The following CLYBL variants were observed in gnomAD, a reference collection of about 807,000 sequenced individuals.
CLYBL encodes the protein citramalyl-CoA lyase.
Under a neutral mutation model 38.9 loss-of-function variants are expected in CLYBL, and 31 were observed. The observed-to-expected ratio is 0.80, with a 90% CI of 0.60 to 1.08. The LOEUF is 1.08. Among genes scored for constraint, CLYBL ranks in the 50% least tolerant of loss-of-function variants. The probability of loss-of-function intolerance (pLI) is 0.00; values close to 1 mark genes in which losing one functional copy is unlikely to be tolerated. For synonymous variants in CLYBL, 171 were observed against 158.6 expected (o/e 1.08, Z -0.59); for missense variants, 434 against 411.6 (o/e 1.05, Z -0.47).
At chr13:99,639,103 A>G (rs1242045320) in intron 1 of CLYBL, among the ~76,000 whole-genome samples, 1 of 152,212 alleles carries the variant, frequency 6.6e-6, no homozygotes, top group Non-Finnish European at 1.5e-5. Context: ...TGATGTAACA[A>G]TAAAGGCCAT....
Position 99,864,835 on chromosome 13 carries a change from C to A in CLYBL, c.558C>A (p.Thr186=). ...LLNFKAVCEE[T]LKVGPQVGLF... is the part of the protein sequence containing the mutation. ...TTTTACAGGCAGTGTGTGAAGAAAC[C>A]CTGAAGGTCGGGCCTCAAGTAGGTC... Residue 186 remains threonine, a synonymous_variant, in exon 5 of 9, where the codon ACC becomes ACA. Transcript: ENST00000339105. 2 of 1,613,728 alleles carry A rather than the reference C, an allele frequency of 1.2e-6. No homozygotes were observed. The highest frequency in any genetic ancestry group is 1.7e-6 in the Non-Finnish European group (2 of 1,179,762).
chr13:99,861,149 G>A (rs1297891252), intron 3 of CLYBL, among the ~76,000 whole-genome samples: 2 of 151,850 alleles, frequency 1.3e-5, no homozygotes, highest in East Asian at 1.9e-4. Context: ...ACATTTAATC[G>A]TCTCCTTTTG....
chr13:99,904,430 A>G (rs2052673842), intron 8 of CLYBL, among the ~76,000 whole-genome samples: 1 of 152,224 alleles, frequency 6.6e-6, no homozygotes, highest in Admixed American at 6.5e-5. Context: ...TTTGGGTCTC[A>G]TGAATTGATT....
chr13:99,892,934 G>C (rs149130281), downstream of CLYBL: 204 of 152,548 alleles, frequency 1.3e-3, 2 homozygotes, highest in African/African-American at 4.5e-3. Context: ...GCCACCAGGC[G>C]ACCCCCACCC....
intron 1 of CLYBL, among the ~76,000 whole-genome samples, chr13:99,662,743 C>T (rs1490874288): frequency 6.6e-6 from 1 of 152,218 alleles, no homozygotes; most frequent in Non-Finnish European, 1.5e-5. Flanking sequence ...TACCCATTCT[C>T]ACTGAGCATT....
intron 1 of CLYBL, among the ~76,000 whole-genome samples, chr13:99,703,426 G>A (rs1380084498): frequency 1.3e-5 from 2 of 152,250 alleles, no homozygotes; most frequent in East Asian, 1.9e-4. Flanking sequence ...CTGGAGTGCA[G>A]TGGCGCGATC....
At chr13:99,899,435 C>T (rs575779261), downstream of CLYBL, among the ~76,000 whole-genome samples, 1 of 152,314 alleles carries the variant, frequency 6.6e-6, no homozygotes, top group South Asian at 2.1e-4. Flanking sequence ...GCATCTGCTT[C>T]TAGAGCTCCT....
intron 1 of CLYBL, among the ~76,000 whole-genome samples, chr13:99,765,923 C>G (rs911460084): frequency 3.3e-5 from 5 of 150,432 alleles, no homozygotes; most frequent in Admixed American, 6.7e-5. Flanking sequence ...GTGATCAAAG[C>G]TCACTGCAGT....
At chr13:99,884,302 T>TG (rs2052290019) in intron 7 of CLYBL, among the ~76,000 whole-genome samples, 1 of 152,186 alleles carries the variant, frequency 6.6e-6, no homozygotes, top group South Asian at 2.1e-4. Flanking sequence ...GAAAGCTTTG[T>TG]GGAGACCTGG....
rs1005189568 is a variant in CLYBL, at chr13:99,717,455, AAAG to A, written c.63-55366_63-55364del. Among the ~76,000 whole-genome samples, 50 of 151,208 alleles carry A rather than the reference AAAG, an allele frequency of 3.3e-4. 1 individual carries two copies. The East Asian group carries it at 5.7e-3, about 17-fold the overall frequency. ...AAATTAGAAAAAAAAAAAAAAAAAA[AAAG>A]AATTATTTTTTATTTTTTTGAGGCA... On this transcript the variant is annotated intron_variant, in intron 1 of 8. Coordinates refer to ENST00000339105, the MANE Select transcript of CLYBL (RefSeq NM_206808.5).
Position 99,772,812 on chromosome 13 carries a change from C to T in CLYBL, c.63-12C>T, listed in dbSNP as rs552141480. On this transcript the variant is annotated splice_polypyrimidine_tract_variant and intron_variant, in intron 1 of 8. Coordinates refer to ENST00000339105, the MANE Select transcript of CLYBL (RefSeq NM_206808.5). ...TCTCATTCTGGACTAACCCCAATCACGTGTCTTGCAGGAAAGCGTCTCTAG... is the reference window on the plus strand; with the variant it reads ...TCTCATTCTGGACTAACCCCAATCATGTGTCTTGCAGGAAAGCGTCTCTAG... The T allele has an allele frequency of 1.0e-4, 161 of 1,577,644 alleles. No individual in the cohort carries two copies. In the South Asian group the frequency reaches 1.4e-3, roughly 14 times the overall value.
At chr13:99,808,240 C>G (rs982384763) in intron 2 of CLYBL, among the ~76,000 whole-genome samples, 2 of 152,178 alleles carry the variant, frequency 1.3e-5, no homozygotes, top group East Asian at 1.9e-4. Flanking sequence ...CCCACACCCC[C>G]ACTCCAGGCT....
At chr13:99,854,020 G>A (rs550566830) in intron 2 of CLYBL, among the ~76,000 whole-genome samples, 4 of 152,278 alleles carry the variant, frequency 2.6e-5, no homozygotes, top group East Asian at 3.9e-4. Context: ...ATTTACTGTC[G>A]TTTTTGAATA....
At chr13:99,772,333 A>C (rs1458778065) in intron 1 of CLYBL, among the ~76,000 whole-genome samples, 1 of 152,216 alleles carries the variant, frequency 6.6e-6, no homozygotes, top group Non-Finnish European at 1.5e-5. Flanking sequence ...AATAACATTT[A>C]GTTCATTGAT....
chr13:99,744,130 G>A (rs539695010), intron 1 of CLYBL, among the ~76,000 whole-genome samples: 1 of 151,784 alleles, frequency 6.6e-6, no homozygotes, highest in African/African-American at 2.4e-5. Context: ...CCGCCACCAC[G>A]CCCGGTTAAT....
chr13:99,819,421 TATATATATATATATATA>T (rs1566340060), intron 2 of CLYBL, among the ~76,000 whole-genome samples: 12 of 10,092 alleles, frequency 1.2e-3, no homozygotes, highest in African/African-American at 5.1e-3. Flanking sequence ...AAAATTTATA[TATATATATATATATATA>T]TATATATATA....
chr13:99,676,889 G>A (rs2047661230), intron 1 of CLYBL, among the ~76,000 whole-genome samples: 1 of 151,988 alleles, frequency 6.6e-6, no homozygotes, highest in South Asian at 2.1e-4. Flanking sequence ...ACAGGCATGA[G>A]CCACTGCGCT....
At chr13:99,805,127 G>A (rs984276040) in intron 2 of CLYBL, among the ~76,000 whole-genome samples, 1 of 152,102 alleles carries the variant, frequency 6.6e-6, no homozygotes, top group Admixed American at 6.6e-5. Flanking sequence ...GTATTCCATG[G>A]CATGTATATA....
intron 1 of CLYBL, among the ~76,000 whole-genome samples, chr13:99,717,555 G>A (rs2048337087): frequency 6.6e-6 from 1 of 151,750 alleles, no homozygotes; most frequent in Non-Finnish European, 1.5e-5. Context: ...TGCCTCCCAG[G>A]CTCCCCGGAT....
Sources: allele counts gnomAD v4.1 joint callset (sites outside exome capture counted in the v4.1 genomes callset), GRCh38; gene constraint gnomAD v4.1.1; transcripts MANE v1.5; gene names NCBI Gene and HGNC (gene_info 2026-07-23, HGNC 2026-07-21).